The following LIPA variants were observed in gnomAD, a reference collection of about 807,000 sequenced individuals.
The protein encoded by LIPA is lysosomal acid lipase/cholesteryl ester hydrolase.
LIPA carries 26 observed loss-of-function variants against 40.6 expected under a neutral mutation model. The observed-to-expected ratio is 0.64, with a 90% CI of 0.47 to 0.89. The LOEUF is 0.89. LIPA is among the 40% of genes least tolerant of loss of function. The probability of loss-of-function intolerance (pLI) is 0.00; values close to 1 mark genes in which losing one functional copy is unlikely to be tolerated. For missense variants in LIPA, 455 were observed against 479.6 expected (o/e 0.95, Z 0.48); for synonymous variants, 188 against 168.4 (o/e 1.12, Z -0.90).
At chr10:89,402,966 G>A (rs748555856) in intron 2 of LIPA, 11 of 1,614,090 alleles carry the variant, frequency 6.8e-6, no homozygotes, top group Admixed American at 1.7e-5. Flanking sequence ...TCAGGATGAA[G>A]GACAGGAAGC....
intron 1 of LIPA, among the ~76,000 whole-genome samples, chr10:89,250,107 C>CTTTCTTTTTTTTTTTTTT (rs573748456): frequency 1.0e-5 from 1 of 96,074 alleles, no homozygotes; most frequent in African/African-American, 4.6e-5. Context: ...TCTTTTCTTT[C>CTTTCTTTTTTTTTTTTTT]TTTTTTTTTT....
chr10:89,279,988 A>C (rs1281741817), intron 1 of LIPA, among the ~76,000 whole-genome samples: 4 of 152,248 alleles, frequency 2.6e-5, no homozygotes, highest in Non-Finnish European at 5.9e-5. Flanking sequence ...TGTAATAGTG[A>C]TAATCTGAAA....
At chr10:89,373,831 C>T (rs1198554693) in intron 2 of LIPA, among the ~76,000 whole-genome samples, 1 of 152,126 alleles carries the variant, frequency 6.6e-6, no homozygotes, top group Admixed American at 6.5e-5. Flanking sequence ...TGTAGAGGGG[C>T]CTGATATTCT....
rs569902924 is a variant in LIPA, at chr10:89,234,469, G to T, written c.230-6071C>A. ...TTCCATTAGGCATGACGGATCCTCAGCAAAGAAAATAGTATCGAATCCTCG... is the reference window on the plus strand; with the variant it reads ...TTCCATTAGGCATGACGGATCCTCATCAAAGAAAATAGTATCGAATCCTCG... On this transcript the variant is annotated intron_variant, in intron 3 of 9. Transcript: ENST00000336233. 2.6e-5 allele frequency among the ~76,000 whole-genome samples: 4 copies of T among 152,356 alleles called. No homozygotes were observed. In the South Asian group the frequency reaches 8.3e-4, roughly 32 times the overall value.
rs118157728 is a variant in LIPA, at chr10:89,322,741, C to T, written c.-2+19870G>A. On this transcript the variant is annotated intron_variant, in intron 1 of 5. Transcript: ENST00000282673. ...CAGTGCCTAGGAGCAGTAAGATTGCCCCATCTCAAACCCTTTCTGGATGGG... is the reference window on the plus strand; with the variant it reads ...CAGTGCCTAGGAGCAGTAAGATTGCTCCATCTCAAACCCTTTCTGGATGGG... Among the ~76,000 whole-genome samples, 69 of 152,302 alleles carry T rather than the reference C, an allele frequency of 4.5e-4. 2 individuals carry two copies. The East Asian group carries it at 0.012, about 26-fold the overall frequency.
Position 89,307,758 on chromosome 10 carries a change from T to G in LIPA, c.-2+34853A>C, listed in dbSNP as rs928838506. On this transcript the variant is annotated intron_variant, in intron 1 of 5. Coordinates refer to the LIPA transcript ENST00000282673. ...TTGAAGTCCATTTTTGCAATGTTGT[T>G]CCATACTTGGAGTCATTTTGCATCC... The G allele has an allele frequency of 2.8e-4, 50 of 181,488 alleles. 1 individual carries two copies. The highest frequency in any genetic ancestry group is 2.6e-3 in the Middle Eastern group (1 of 386). 11.2% of individuals were successfully genotyped at this position (181,488 alleles called of 1,614,324 possible).
At chr10:89,228,966 AT>A (rs1477748516) in intron 3 of LIPA, among the ~76,000 whole-genome samples, 2 of 152,226 alleles carry the variant, frequency 1.3e-5, no homozygotes, top group African/African-American at 4.8e-5. Flanking sequence ...AAAACTAAAC[AT>A]ACTCTTACCA....
intron 1 of LIPA, among the ~76,000 whole-genome samples, chr10:89,259,880 T>G (rs1400510848): frequency 6.6e-6 from 1 of 152,132 alleles, no homozygotes; most frequent in African/African-American, 2.4e-5. Context: ...AGAGGGGACA[T>G]TTTTCTTTGG....
chr10:89,229,125 AT>A (rs1842807740), intron 3 of LIPA, among the ~76,000 whole-genome samples: 1 of 152,226 alleles, frequency 6.6e-6, no homozygotes, highest in African/African-American at 2.4e-5. Flanking sequence ...CAGTAAATGA[AT>A]GCATAACTAA....
intron 8 of LIPA, 100 bp downstream of exon 8, chr10:89,222,411 T>C: frequency 1.2e-6 from 1 of 806,634 alleles, no homozygotes; most frequent in South Asian, 1.4e-5. Context: ...CAGATCAGAT[T>C]TGTAAGCAGG....
chr10:89,295,906 C>T (rs987491783), intron 1 of LIPA, among the ~76,000 whole-genome samples: 1 of 152,232 alleles, frequency 6.6e-6, no homozygotes, highest in African/African-American at 2.4e-5. Flanking sequence ...ACTAAATCAG[C>T]TGATGCATAC....
rs531585331 is a variant in LIPA, at chr10:89,397,727, T to C, written c.61+15064A>G. ...CCATTTATATTGGCTTTTCTACAAA[T>C]TATCTATTCACATAGATTTCCAGTG... On this transcript the variant is annotated intron_variant, in intron 2 of 8. Transcript: ENST00000371837. Among the ~76,000 whole-genome samples the C allele has an allele frequency of 2.6e-5, 4 of 152,276 alleles. No individual in the cohort carries two copies. In the South Asian group the frequency reaches 8.3e-4, roughly 32 times the overall value.
intron 3 of LIPA, among the ~76,000 whole-genome samples, chr10:89,239,227 T>TTC (rs1412248921): frequency 1.3e-5 from 2 of 152,242 alleles, no homozygotes; most frequent in African/African-American, 4.8e-5. Flanking sequence ...TGTGACTTTA[T>TTC]CAGGGACATC....
intron 2 of LIPA, among the ~76,000 whole-genome samples, chr10:89,407,754 G>A (rs769026496): frequency 2.0e-5 from 3 of 152,116 alleles, no homozygotes; most frequent in African/African-American, 4.8e-5. Context: ...TAGAGAATGC[G>A]TCGGTAAGGG....
chr10:89,290,834 AT>A (rs1365886201), intron 1 of LIPA, among the ~76,000 whole-genome samples: 1 of 152,230 alleles, frequency 6.6e-6, no homozygotes, highest in African/African-American at 2.4e-5. Flanking sequence ...CACCCAGGTG[AT>A]TAAAAAGCTT....
chr10:89,373,334 C>CAAAAAAAAAAAAAAAAAAAAAA (rs34479360), intron 2 of LIPA, among the ~76,000 whole-genome samples: 3 of 63,164 alleles, frequency 4.7e-5, no homozygotes, highest in African/African-American at 1.8e-4. Context: ...GACTCCCTCT[C>CAAAAAAAAAAAAAAAAAAAAAA]AAAAAAAAAA....
At chr10:89,327,438 C>G (rs193247632) in intron 1 of LIPA, among the ~76,000 whole-genome samples, 1 of 152,176 alleles carries the variant, frequency 6.6e-6, no homozygotes, top group African/African-American at 2.4e-5. Context: ...GTAATCCCAG[C>G]TACTCGGGAG....
intron 2 of LIPA, among the ~76,000 whole-genome samples, chr10:89,358,180 G>A (rs932893500): frequency 1.3e-5 from 2 of 152,166 alleles, no homozygotes; most frequent in African/African-American, 2.4e-5. Context: ...CTGGCCGCCT[G>A]AGCCACAGTC....
chr10:89,222,824 G>A (rs185636970), intron 7 of LIPA, among the ~76,000 whole-genome samples: 15 of 152,252 alleles, frequency 9.9e-5, no homozygotes, highest in Non-Finnish European at 1.6e-4. Context: ...TGTGGGTTTC[G>A]TTTACAGGGC....
Sources: allele counts gnomAD v4.1 joint callset (sites outside exome capture counted in the v4.1 genomes callset), GRCh38; gene constraint gnomAD v4.1.1; transcripts MANE v1.5; gene names NCBI Gene and HGNC (gene_info 2026-07-23, HGNC 2026-07-21).